The following MECOM variants were observed in gnomAD, a reference collection of about 807,000 sequenced individuals.
MECOM encodes the protein MDS1 and EVI1 complex locus.
Under a neutral mutation model 116.3 loss-of-function variants are expected in MECOM, and 13 were observed. The observed-to-expected ratio is 0.11, with a 90% CI of 0.07 to 0.18. The LOEUF (loss-of-function observed/expected upper bound fraction) is 0.18. MECOM is among the 10% of genes least tolerant of loss of function. The pLI is 1.00. For missense variants in MECOM, 1,299 were observed against 1,509.0 expected (o/e 0.86, Z 2.31); for synonymous variants, 528 against 535.2 (o/e 0.99, Z 0.19).
intron 2 of MECOM, among the ~76,000 whole-genome samples, chr3:169,159,386 T>C (rs548061474): frequency 3.3e-5 from 5 of 151,958 alleles, no homozygotes; most frequent in Non-Finnish European, 7.4e-5. Flanking sequence ...AGTGAAACCC[T>C]GTCTCTACTA....
At chr3:169,463,400 G>GA (rs908381830) in intron 1 of MECOM, among the ~76,000 whole-genome samples, 41 of 152,116 alleles carry the variant, frequency 2.7e-4, no homozygotes, top group African/African-American at 9.2e-4. Flanking sequence ...TATTTCAACT[G>GA]AAAAAAAGTG....
intron 9 of MECOM, among the ~76,000 whole-genome samples, chr3:169,112,138 T>A (rs1232765036): frequency 6.6e-6 from 1 of 152,146 alleles, no homozygotes; most frequent in Non-Finnish European, 1.5e-5. Context: ...GTAAACCTGT[T>A]TTTTAAAATT....
In MECOM at chr3:169,416,992, A is replaced by G. The variant is rs531338472; in HGVS notation, c.38-35468T>C. On this transcript the variant is annotated intron_variant, in intron 1 of 16. Transcript: ENST00000651503. ...TAAAGACTTAAACGTTAGACCTAAA[A>G]CCATAAAAACCCTAGAAGAAAACCT... Among the ~76,000 whole-genome samples, 629 of 152,264 alleles carry G rather than the reference A, an allele frequency of 4.1e-3. 1 individual carries two copies. The highest frequency in any genetic ancestry group is 7.1e-3 in the Non-Finnish European group (482 of 68,010).
chr3:169,504,077 C>T (rs924119426), intron 1 of MECOM, among the ~76,000 whole-genome samples: 1 of 148,362 alleles, frequency 6.7e-6, no homozygotes, highest in African/African-American at 2.5e-5. Context: ...GAAAATAGAT[C>T]AAAAGGCACA....
At chr3:169,360,537 C>A (rs1363180291) in intron 2 of MECOM, among the ~76,000 whole-genome samples, 1 of 151,600 alleles carries the variant, frequency 6.6e-6, no homozygotes, top group Admixed American at 6.6e-5. Context: ...TAAGAATAAA[C>A]AAATGACTGT....
Position 169,164,191 on chromosome 3 carries a change from T to C in MECOM, c.376-20359A>G, listed in dbSNP as rs564884624. Among the ~76,000 whole-genome samples the C allele has an allele frequency of 5.9e-5, 9 of 152,226 alleles. No individual in the cohort carries two copies. In the South Asian group the frequency reaches 1.7e-3, roughly 28 times the overall value. On this transcript the variant is annotated intron_variant, in intron 2 of 16. Coordinates refer to ENST00000651503, the MANE Select transcript of MECOM (RefSeq NM_004991.4). ...GTGGGAGGGACCCAGTGGGAGATGA[T>C]TGAATTATGAGGGTGGGTCTGTCCT...
chr3:169,564,457 T>A (rs1441649560), intron 1 of MECOM, among the ~76,000 whole-genome samples: 1 of 152,202 alleles, frequency 6.6e-6, no homozygotes, highest in African/African-American at 2.4e-5. Flanking sequence ...AATCTATATA[T>A]GAAATAAATA....
intron 13 of MECOM, 23 bp from the exon 14 acceptor site, chr3:169,093,125 T>C (rs753114198): frequency 1.3e-6 from 2 of 1,567,674 alleles, no homozygotes; most frequent in Non-Finnish European, 1.7e-6. Flanking sequence ...GAAAGCCTTT[T>C]ATGACAAAGA....
intron 2 of MECOM, 52 bp downstream of exon 2, chr3:169,381,135 T>G: frequency 4.7e-6 from 7 of 1,481,000 alleles, no homozygotes; most frequent in Non-Finnish European, 6.4e-6. Context: ...AAACAATCTC[T>G]TCTTTACACA....
chr3:169,291,943 G>C (rs560300340), intron 2 of MECOM, among the ~76,000 whole-genome samples: 79 of 152,262 alleles, frequency 5.2e-4, no homozygotes, highest in Admixed American at 9.2e-4. Context: ...GCTGATATTT[G>C]TTTCAACAGA....
intron 1 of MECOM, among the ~76,000 whole-genome samples, chr3:169,527,630 A>C (rs1758112306): frequency 6.6e-6 from 1 of 152,024 alleles, no homozygotes; most frequent in Admixed American, 6.6e-5. Flanking sequence ...CCAAATCTTC[A>C]TGTTTGTTTT....
chr3:169,217,000 A>G (rs961520341), intron 2 of MECOM, among the ~76,000 whole-genome samples: 4 of 152,246 alleles, frequency 2.6e-5, no homozygotes, highest in African/African-American at 9.6e-5. Context: ...ACAAATAAAC[A>G]GGTATGATAC....
At chr3:169,461,069 T>C (rs959283715) in intron 1 of MECOM, among the ~76,000 whole-genome samples, 2 of 152,182 alleles carry the variant, frequency 1.3e-5, no homozygotes, top group African/African-American at 4.8e-5. Context: ...TTTTCTTTTT[T>C]TTTCTAAAAC....
chr3:169,392,799 CT>C (rs1467544097), intron 1 of MECOM, among the ~76,000 whole-genome samples: 2 of 152,130 alleles, frequency 1.3e-5, no homozygotes, highest in Non-Finnish European at 2.9e-5. Context: ...AAAGAAACCT[CT>C]TATTTTGATT....
At chr3:169,251,787 C>A (rs1756269056) in intron 2 of MECOM, among the ~76,000 whole-genome samples, 1 of 152,068 alleles carries the variant, frequency 6.6e-6, no homozygotes, top group Admixed American at 6.6e-5. Flanking sequence ...AAGTGGTGTT[C>A]ATTTATTAAA....
chr3:169,500,918 G>A (rs1032045006), intron 1 of MECOM, among the ~76,000 whole-genome samples: 4 of 151,916 alleles, frequency 2.6e-5, no homozygotes, highest in Non-Finnish European at 2.9e-5. Context: ...TCAAAGGAGA[G>A]AGGAAAAGTT....
rs148324285 is a variant in MECOM, at chr3:169,110,437, C to T, written c.2577+2350G>A. On this transcript the variant is annotated intron_variant, in intron 9 of 16. Transcript: ENST00000651503. Reference sequence around the variant, plus strand: ...TCCAGCTACCCTGGGAAGGGTAAGACTTGATGAAAGAGGAAGAGGGCTCAC... The same window carrying T: ...TCCAGCTACCCTGGGAAGGGTAAGATTTGATGAAAGAGGAAGAGGGCTCAC... Among the ~76,000 whole-genome samples the T allele has an allele frequency of 4.8e-3, 673 of 141,462 alleles. 4 individuals are homozygous for T. Among genetic ancestry groups the T allele is most frequent in the African/African-American group, 0.013 (530 of 39,862 alleles). 92.8% of individuals were successfully genotyped at this position (141,462 alleles called of 152,430 possible). A position where few individuals can be genotyped will look rare whatever the true frequency, so the allele number is the denominator to read the frequency against.
chr3:169,432,000 C>CT (rs36112986), intron 1 of MECOM, among the ~76,000 whole-genome samples: 5,166 of 146,010 alleles, frequency 0.035, 219 homozygotes, highest in African/African-American at 0.1. Flanking sequence ...GGTTTTTCAC[C>CT]TTTTTTTTTT....
chr3:169,380,405 A>C (rs1188430257), intron 2 of MECOM, among the ~76,000 whole-genome samples: 1 of 150,564 alleles, frequency 6.6e-6, no homozygotes, highest in Non-Finnish European at 1.5e-5. Context: ...ATATATATCT[A>C]CTGAATCTGT....
Sources: allele counts gnomAD v4.1 joint callset (sites outside exome capture counted in the v4.1 genomes callset), GRCh38; gene constraint gnomAD v4.1.1; transcripts MANE v1.5; gene names NCBI Gene and HGNC (gene_info 2026-07-23, HGNC 2026-07-21).